The following DOCK1 variants were observed in gnomAD, a reference collection of about 807,000 sequenced individuals.
DOCK1 encodes dedicator of cytokinesis protein 1.
Under a neutral mutation model 262.7 loss-of-function variants are expected in DOCK1, and 138 were observed. That is an observed-to-expected ratio of 0.53 (90% confidence interval 0.46 to 0.61). DOCK1 has a LOEUF of 0.61. DOCK1 is among the 20% of genes least tolerant of loss of function. The probability of loss-of-function intolerance (pLI) is 0.00; values close to 1 mark genes in which losing one functional copy is unlikely to be tolerated. For missense variants in DOCK1, 1,908 were observed against 2,370.7 expected (o/e 0.80, Z 4.05); for synonymous variants, 866 against 867.4 (o/e 1.00, Z 0.03).
intron 10 of DOCK1, among the ~76,000 whole-genome samples, chr10:127,002,396 T>C (rs9418754): frequency 0.17 from 25,245 of 152,272 alleles, 2,374 homozygotes; most frequent in South Asian, 0.35. Flanking sequence ...TTCTTTTGAT[T>C]AAAATTTTTG....
chr10:127,169,467 A>G (rs2054366061), intron 27 of DOCK1, among the ~76,000 whole-genome samples: 2 of 152,236 alleles, frequency 1.3e-5, no homozygotes, highest in Admixed American at 6.5e-5. Flanking sequence ...TCTGGCCTGA[A>G]CATTTTTAGC....
chr10:127,303,543 T>C (rs1216692390), intron 29 of DOCK1, among the ~76,000 whole-genome samples: 4 of 151,400 alleles, frequency 2.6e-5, no homozygotes, highest in Admixed American at 2.6e-4. Context: ...AAAAAAAAGG[T>C]TGGCCAGGCA....
At chr10:127,117,084 T>A (rs985918112) in intron 25 of DOCK1, among the ~76,000 whole-genome samples, 1 of 152,244 alleles carries the variant, frequency 6.6e-6, no homozygotes, top group Admixed American at 6.5e-5. Flanking sequence ...TGCAGGATTT[T>A]AGAAATGACT....
intron 27 of DOCK1, among the ~76,000 whole-genome samples, chr10:127,200,482 G>A (rs1310298070): frequency 4.6e-5 from 7 of 152,100 alleles, no homozygotes; most frequent in Non-Finnish European, 8.8e-5. Context: ...AGAGTGGCGT[G>A]ATGTCAGTTT....
intron 29 of DOCK1, among the ~76,000 whole-genome samples, chr10:127,278,342 AC>A (rs1373007141): frequency 6.6e-6 from 1 of 152,028 alleles, no homozygotes; most frequent in Non-Finnish European, 1.5e-5. Context: ...CTGTTTGTTT[AC>A]CTGGCAAAGA....
chr10:127,383,566 G>A, intron 37 of DOCK1, among the ~76,000 whole-genome samples: 1 of 152,242 alleles, frequency 6.6e-6, no homozygotes, highest in East Asian at 1.9e-4. Context: ...TGGAAAGGCA[G>A]AGCCATACAG....
At chr10:127,212,672 T>C (rs2058033678) in intron 27 of DOCK1, among the ~76,000 whole-genome samples, 1 of 151,864 alleles carries the variant, frequency 6.6e-6, no homozygotes, top group Non-Finnish European at 1.5e-5. Flanking sequence ...TTTTTTTTTC[T>C]CAATGAAGGA....
chr10:127,318,558 A>G (rs377185671), intron 29 of DOCK1, among the ~76,000 whole-genome samples: 5 of 152,250 alleles, frequency 3.3e-5, no homozygotes, highest in African/African-American at 1.2e-4. Flanking sequence ...TCCGGGCCTC[A>G]AGGCCACTCT....
chr10:126,992,514 G>C (rs1416386282), intron 6 of DOCK1, among the ~76,000 whole-genome samples: 2 of 152,108 alleles, frequency 1.3e-5, no homozygotes, highest in African/African-American at 2.4e-5. Context: ...TGATACCACA[G>C]TGTTGAATGT....
At chr10:127,140,891 C>G (rs1485533363) in intron 27 of DOCK1, among the ~76,000 whole-genome samples, 1 of 152,182 alleles carries the variant, frequency 6.6e-6, no homozygotes, top group East Asian at 1.9e-4. Flanking sequence ...CACAGACCTC[C>G]CTCTGTATTT....
intron 12 of DOCK1, chr10:127,014,991 G>C (rs2041749681): frequency 6.6e-6 from 1 of 152,156 alleles, no homozygotes; most frequent in Non-Finnish European, 1.5e-5. Context: ...AGTAGAGGCA[G>C]GGTTTAGCTC....
At chr10:127,232,171 T>C (rs1224009193) in intron 27 of DOCK1, among the ~76,000 whole-genome samples, 1 of 151,956 alleles carries the variant, frequency 6.6e-6, no homozygotes, top group Non-Finnish European at 1.5e-5. Flanking sequence ...TTGGTGGTCA[T>C]ATGTATTGGA....
intron 27 of DOCK1, among the ~76,000 whole-genome samples, chr10:127,241,927 A>C (rs1342700776): frequency 6.6e-6 from 1 of 152,178 alleles, no homozygotes; most frequent in Non-Finnish European, 1.5e-5. Flanking sequence ...GTCACATTTC[A>C]AAGCCATCAG....
chr10:127,425,773 C>T, intron 46 of DOCK1, 101 bp from the exon 47 acceptor site: 1 of 1,525,274 alleles, frequency 6.6e-7, no homozygotes, highest in Non-Finnish European at 8.9e-7. Flanking sequence ...ATTTGGAAAC[C>T]AAAGCAGATC....
chr10:127,386,762 AC>A (rs2066146414), intron 38 of DOCK1, among the ~76,000 whole-genome samples: 1 of 152,148 alleles, frequency 6.6e-6, no homozygotes, highest in South Asian at 2.1e-4. Flanking sequence ...TCATCCTGAA[AC>A]CATCCCCCAC....
chr10:126,955,178 G>C (rs1456266733), intron 1 of DOCK1, among the ~76,000 whole-genome samples: 1 of 152,166 alleles, frequency 6.6e-6, no homozygotes. Context: ...CCAGGCTAGA[G>C]TCAGTGGTGC....
chr10:127,143,152 C>T (rs2051437155), intron 27 of DOCK1, among the ~76,000 whole-genome samples: 1 of 152,190 alleles, frequency 6.6e-6, no homozygotes, highest in Admixed American at 6.5e-5. Flanking sequence ...ACTGAATCCT[C>T]AAGATAATTT....
intron 47 of DOCK1, among the ~76,000 whole-genome samples, chr10:127,429,874 CAT>C (rs1340975472): frequency 6.6e-6 from 1 of 151,600 alleles, no homozygotes; most frequent in East Asian, 1.9e-4. Flanking sequence ...GTGCAGGAGG[CAT>C]GTGTGTTGGC....
intron 50 of DOCK1, 39 bp from the exon 51 acceptor site, chr10:127,447,355 G>A (rs758386237): frequency 1.3e-6 from 2 of 1,594,098 alleles, no homozygotes; most frequent in Non-Finnish European, 1.7e-6. Context: ...GGCTCCGTGG[G>A]GAAGTCGGGC....
Sources: allele counts gnomAD v4.1 joint callset (sites outside exome capture counted in the v4.1 genomes callset), GRCh38; gene constraint gnomAD v4.1.1; transcripts MANE v1.5; gene names NCBI Gene and HGNC (gene_info 2026-07-23, HGNC 2026-07-21).